The following NKTR variants were observed in gnomAD, a reference collection of about 807,000 sequenced individuals.
NKTR encodes natural killer cell triggering receptor, also known as NK-tumor recognition protein.
In NKTR, 67 loss-of-function variants were observed where a neutral mutation model predicts 156.3. That is an observed-to-expected ratio of 0.43 (90% CI 0.35 to 0.53). The LOEUF (loss-of-function observed/expected upper bound fraction) is 0.53. NKTR is among the 20% of genes least tolerant of loss of function. The pLI, the probability that NKTR is intolerant of heterozygous loss-of-function variation, is 0.01. For synonymous variants in NKTR, 640 were observed against 596.6 expected (o/e 1.07, Z -1.06); for missense variants, 1,604 against 1,730.9 (o/e 0.93, Z 1.30).
chr3:42,621,805 G>A (rs1019523012), intron 6 of NKTR, among the ~76,000 whole-genome samples: 4 of 151,766 alleles, frequency 2.6e-5, no homozygotes, highest in Admixed American at 6.6e-5. Flanking sequence ...TGTCAAATTC[G>A]AGTGCTGACT....
chr3:42,646,857 A>G lies in NKTR; in HGVS notation c.*882A>G, dbSNP rs1160188085. ...ATTCTGAGCTGTCTTCACTTTGACTATTTGGGGGGCTTCTCTCAAGTACAG... is the reference window on the plus strand; with the variant it reads ...ATTCTGAGCTGTCTTCACTTTGACTGTTTGGGGGGCTTCTCTCAAGTACAG... On this transcript the variant is annotated 3_prime_UTR_variant, in exon 17 of 17. Transcript: ENST00000232978. 2 of 152,546 alleles carry G rather than the reference A, an allele frequency of 1.3e-5. No homozygotes were observed. The highest frequency in any genetic ancestry group is 2.1e-4 in the South Asian group (1 of 4,822). 9.4% of individuals were successfully genotyped at this position (152,546 alleles called of 1,614,324 possible).
chr3:42,632,352 T>G (rs561137927), intron 8 of NKTR, among the ~76,000 whole-genome samples: 2 of 152,236 alleles, frequency 1.3e-5, no homozygotes, highest in Admixed American at 1.3e-4. Flanking sequence ...ATTACAGATA[T>G]GAGTCACTGC....
At chr3:42,619,782 A>G in intron 5 of NKTR, 74 bp downstream of exon 5, 1 of 1,577,932 alleles carries the variant, frequency 6.3e-7, no homozygotes, top group Non-Finnish European at 8.6e-7. Context: ...ACTTTTAATG[A>G]GAAGAGGTTT....
chr3:42,644,994 G>A (rs1263281944), intron 16 of NKTR, among the ~76,000 whole-genome samples: 1 of 152,042 alleles, frequency 6.6e-6, no homozygotes, highest in Non-Finnish European at 1.5e-5. Flanking sequence ...GTGTGTGTGT[G>A]TGTTCCCAGC....
chr3:42,637,898 TAC>T lies in NKTR; in HGVS notation c.2196_2197del (p.Tyr732Ter). 6.2e-7 allele frequency: 1 copy of T among 1,614,034 alleles called. No individual in the cohort carries two copies. Reference sequence around the variant, plus strand: ...ATCTAGATCTCATTCACGAAATAAATACAGTGATCATTCACAGTGTAGTAGAT... The same window carrying T: ...ATCTAGATCTCATTCACGAAATAAATAGTGATCATTCACAGTGTAGTAGAT... ...PSSRSHSRNK[Y>X]SDHSQCSRSS... On this transcript the variant is annotated frameshift_variant, in exon 13 of 17. Coordinates refer to ENST00000232978, the MANE Select transcript of NKTR (RefSeq NM_005385.4). LOFTEE classifies it high-confidence loss of function.
rs192225934 is a variant in NKTR at position 42,614,721 on chromosome 3, G to A, written c.59-2849G>A. 1.5e-3 allele frequency among the ~76,000 whole-genome samples: 225 copies of A among 152,070 alleles called. 1 individual carries two copies. Among genetic ancestry groups the A allele is most frequent in the Non-Finnish European group, 2.4e-3 (162 of 67,944 alleles). On this transcript the variant is annotated intron_variant, in intron 2 of 16. Coordinates refer to ENST00000232978, the MANE Select transcript of NKTR (RefSeq NM_005385.4). The stretch of plus-strand genomic sequence containing the variant: ...TTTTGTTTTTTTGACCTTGGTTTTT[G>A]TTTTTAAACCCTTCAAATTGCATAT...
chr3:42,601,921 TGGG>T lies in NKTR; in HGVS notation c.58+861_58+863del, dbSNP rs1164212284. 4 of 152,284 alleles carry T rather than the reference TGGG, an allele frequency of 2.6e-5. No homozygotes were observed. In the South Asian group the frequency reaches 6.2e-4, roughly 24 times the overall value. 9.4% of individuals were successfully genotyped at this position (152,284 alleles called of 1,614,324 possible). A position where few individuals can be genotyped will look rare whatever the true frequency, so the allele number is the denominator to read the frequency against. On this transcript the variant is annotated intron_variant, in intron 2 of 16. Coordinates refer to ENST00000232978, the MANE Select transcript of NKTR (RefSeq NM_005385.4). ...CTTCCTTTTATAGTTTATATTCTAT[TGGG>T]GGGAAGACGGACAACTAGGAAAAAA...
intron 16 of NKTR, among the ~76,000 whole-genome samples, chr3:42,645,535 T>C (rs1210883816): frequency 6.6e-6 from 1 of 151,978 alleles, no homozygotes; most frequent in Non-Finnish European, 1.5e-5. Context: ...ATAAAAAAAA[T>C]TAGCTGGGCG....
intron 5 of NKTR, chr3:42,620,296 A>G (rs546327210): frequency 1.6e-6 from 2 of 1,212,692 alleles, no homozygotes; most frequent in East Asian, 6.8e-5. Flanking sequence ...TTCTTTGAAT[A>G]AAAGTTGAAA....
At chr3:42,622,543 A>G (rs1271937795) in intron 6 of NKTR, among the ~76,000 whole-genome samples, 1 of 152,078 alleles carries the variant, frequency 6.6e-6, no homozygotes, top group Non-Finnish European at 1.5e-5. Flanking sequence ...ATATTTCTAC[A>G]TGATCTGATA....
At position 42,638,134 on chromosome 3, in the gene NKTR, C is replaced by G. The variant is rs2125819053; in HGVS notation, c.2430C>G (p.Asp810Glu). The change falls in exon 13 of 17, where the codon GAC becomes GAG. Residue 810 changes from aspartate (D) to glutamate (E), a missense_variant. By Grantham distance (45) the Asp-to-Glu change is conservative. Around this residue, in one of 6 missense-constraint regions of NKTR, gnomAD observed 1,255 missense variants for 1,243.7 expected, o/e 1.01. Coordinates refer to ENST00000232978, the MANE Select transcript of NKTR (RefSeq NM_005385.4). The part of the protein sequence containing the change: ...ESRSSLDYSS[D>E]SEQSSVQATQ... ...GATCATCTTTAGATTATTCTTCAGACAGTGAGCAGTCAAGTGTTCAGGCCA... is the reference window on the plus strand; with the variant it reads ...GATCATCTTTAGATTATTCTTCAGAGAGTGAGCAGTCAAGTGTTCAGGCCA... The G allele has an allele frequency of 6.2e-7, 1 of 1,613,634 alleles. No individual in the cohort carries two copies. Among genetic ancestry groups the G allele is most frequent in the Non-Finnish European group, 8.5e-7 (1 of 1,179,916 alleles).
intron 5 of NKTR, chr3:42,619,993 T>C: frequency 6.5e-7 from 1 of 1,533,316 alleles, no homozygotes; most frequent in Non-Finnish European, 8.7e-7. Context: ...CCTAAAACTG[T>C]CAACATATTC....
In NKTR at chr3:42,646,086, T is replaced by C. The variant is rs1026904341; in HGVS notation, c.*111T>C. On this transcript the variant is annotated 3_prime_UTR_variant, in exon 17 of 17. Transcript: ENST00000232978. ...CAATATCAGAGGTGAATTTCAAAAATAGACACTTCTTAATTGTTACTGGTT... is the reference window on the plus strand; with the variant it reads ...CAATATCAGAGGTGAATTTCAAAAACAGACACTTCTTAATTGTTACTGGTT... The C allele has an allele frequency of 5.7e-6, 4 of 705,178 alleles. No homozygotes were observed. Among genetic ancestry groups the C allele is most frequent in the African/African-American group, 1.8e-5 (1 of 56,758 alleles). The allele number at this position is 705,178 out of a possible 1,614,324, so 43.7% of individuals were successfully genotyped here.
At chr3:42,618,114 G>T (rs1052093273) in intron 3 of NKTR, among the ~76,000 whole-genome samples, 17 of 152,018 alleles carry the variant, frequency 1.1e-4, no homozygotes, top group African/African-American at 3.6e-4. Context: ...ACTTTGGGAG[G>T]CCGAGGCAGG....
chr3:42,628,456 A>G, intron 6 of NKTR: 1 of 985,426 alleles, frequency 1.0e-6, no homozygotes, highest in African/African-American at 1.7e-5. Context: ...GTTTTATTCC[A>G]CCATTTTCTC....
In NKTR at chr3:42,637,193, A is replaced by G. The variant is rs1223813806; in HGVS notation, c.1489A>G (p.Lys497Glu). ...SSSLSSHHSSKRDWSKSDKDV... is the reference protein window; with the variant it reads ...SSSLSSHHSSERDWSKSDKDV... ...CTCATTGTCATCTCATCACTCATCAAAGAGAGACTGGTCTAAATCTGATAA... is the reference window on the plus strand; with the variant it reads ...CTCATTGTCATCTCATCACTCATCAGAGAGAGACTGGTCTAAATCTGATAA... The change falls in exon 13 of 17, where the codon AAG (lysine) becomes GAG (glutamate). Residue 497 changes from lysine to glutamate, a missense_variant. Physicochemically the swap from Lys to Glu is moderately conservative, Grantham distance 56 (BLOSUM62 1). This residue lies in a region of NKTR where 1,255 missense variants were observed against 1,243.7 expected (regional missense o/e 1.01). Coordinates refer to ENST00000232978, the MANE Select transcript of NKTR (RefSeq NM_005385.4). 4 of 1,612,384 alleles carry G rather than the reference A, an allele frequency of 2.5e-6. No individual in the cohort carries two copies. The highest frequency in any genetic ancestry group is 1.3e-5 in the African/African-American group (1 of 74,790).
intron 6 of NKTR, chr3:42,629,545 G>A: frequency 1.0e-6 from 1 of 984,224 alleles, no homozygotes; most frequent in African/African-American, 1.7e-5. Context: ...AATTTATATG[G>A]CAGCTTCTAG....
chr3:42,638,136 G>A lies in NKTR; in HGVS notation c.2432G>A (p.Ser811Asn), dbSNP rs1709582155. ...SRSSLDYSSD[S>N]EQSSVQATQS... ...TCATCTTTAGATTATTCTTCAGACAGTGAGCAGTCAAGTGTTCAGGCCACA... is the reference window on the plus strand; with the variant it reads ...TCATCTTTAGATTATTCTTCAGACAATGAGCAGTCAAGTGTTCAGGCCACA... Residue 811 changes from serine (S) to asparagine (N), a missense_variant, in exon 13 of 17, where the codon AGT (serine) becomes AAT (asparagine). Ser to Asn is a conservative substitution (Grantham distance 46). This residue lies in a region of NKTR where 1,255 missense variants were observed against 1,243.7 expected (regional missense o/e 1.01). Coordinates refer to ENST00000232978, the MANE Select transcript of NKTR (RefSeq NM_005385.4). 3.1e-6 allele frequency: 5 copies of A among 1,613,686 alleles called. No individual in the cohort carries two copies. The highest frequency in any genetic ancestry group is 4.2e-6 in the Non-Finnish European group (5 of 1,179,948).
At chr3:42,621,255 T>A in intron 5 of NKTR, 174 bp from the exon 6 acceptor site, 1 of 1,301,646 alleles carries the variant, frequency 7.7e-7, no homozygotes. Context: ...TCTTTTGGCC[T>A]TTTTATGCTT....
Sources: allele counts gnomAD v4.1 joint callset (sites outside exome capture counted in the v4.1 genomes callset), GRCh38; gene constraint gnomAD v4.1.1; regional missense constraint gnomAD v4.1.1; transcripts MANE v1.5; gene names NCBI Gene and HGNC (gene_info 2026-07-23, HGNC 2026-07-21).